The following HORMAD2 variants were observed in gnomAD, a reference collection of about 807,000 sequenced individuals.
The protein encoded by HORMAD2 is HORMA domain containing 2.
HORMAD2 carries 45 observed loss-of-function variants against 38.8 expected under a neutral mutation model. The observed-to-expected ratio is 1.16, with a 90% CI of 0.91 to 1.49. HORMAD2 has a LOEUF of 1.49. Among genes scored for constraint, HORMAD2 ranks in the 40% most tolerant of loss-of-function variants. The probability of loss-of-function intolerance (pLI) is 0.00; values close to 1 mark genes in which losing one functional copy is unlikely to be tolerated. For missense variants in HORMAD2, 338 were observed against 367.0 expected, an observed-to-expected ratio of 0.92 and a Z score of 0.65; for synonymous variants, 126 against 122.8, an observed-to-expected ratio of 1.03 and a Z score of -0.17.
intron 4 of HORMAD2, among the ~76,000 whole-genome samples, 151 bp downstream of exon 4, chr22:30,103,651 T>TTTTC (rs1920986769): frequency 2.3e-5 from 1 of 44,048 alleles, no homozygotes; most frequent in Non-Finnish European, 4.4e-5. Flanking sequence ...TGTTTTTGAT[T>TTTTC]TTTTTTTTTT....
chr22:30,120,686 G>C (rs1922366828), intron 8 of HORMAD2, among the ~76,000 whole-genome samples: 1 of 152,174 alleles, frequency 6.6e-6, no homozygotes, highest in Non-Finnish European at 1.5e-5. Flanking sequence ...CTGTACTGTG[G>C]AGATGAAAGA....
intron 7 of HORMAD2, among the ~76,000 whole-genome samples, chr22:30,118,601 T>G (rs1922217623): frequency 6.6e-6 from 1 of 152,260 alleles, no homozygotes; most frequent in South Asian, 2.1e-4. Flanking sequence ...TTCTGTCTTG[T>G]TCACCGCTGT....
chr22:30,201,003 G>T, the HORMAD2 span, among the ~76,000 whole-genome samples: 2 of 152,088 alleles, frequency 1.3e-5, no homozygotes, highest in Admixed American at 6.5e-5. Flanking sequence ...GCCCACCTCG[G>T]CCTCCCAAAG....
chr22:30,129,480 A>G (rs755098150), intron 10 of HORMAD2, among the ~76,000 whole-genome samples: 1 of 152,082 alleles, frequency 6.6e-6, no homozygotes, highest in Non-Finnish European at 1.5e-5. Flanking sequence ...CTTCCTAGCT[A>G]TTTTATAAGG....
At chr22:30,079,279 C>T (rs900106629), upstream of HORMAD2, among the ~76,000 whole-genome samples, 11 of 152,162 alleles carry the variant, frequency 7.2e-5, no homozygotes, top group South Asian at 8.3e-4. Flanking sequence ...AGGTGAGAAA[C>T]GATCCAAGGA....
chr22:30,101,931 G>C (rs1042603413), intron 3 of HORMAD2, among the ~76,000 whole-genome samples: 1 of 152,124 alleles, frequency 6.6e-6, no homozygotes, highest in African/African-American at 2.4e-5. Flanking sequence ...AGCTGGCCAT[G>C]GTGGTGAGTG....
chr22:30,200,060 G>A, the HORMAD2 span, among the ~76,000 whole-genome samples: 1 of 152,104 alleles, frequency 6.6e-6, no homozygotes, highest in Admixed American at 6.5e-5. Context: ...GGAATTACAG[G>A]AGACTGCTAC....
At chr22:30,145,471 CA>C (rs1924357402) in intron 10 of HORMAD2, among the ~76,000 whole-genome samples, 1 of 151,996 alleles carries the variant, frequency 6.6e-6, no homozygotes, top group Admixed American at 6.6e-5. Flanking sequence ...AGGAAAACAT[CA>C]ATATAATGAA....
At chr22:30,192,736 G>C in the HORMAD2 span, among the ~76,000 whole-genome samples, 1 of 152,166 alleles carries the variant, frequency 6.6e-6, no homozygotes, top group South Asian at 2.1e-4. Context: ...GAACTCAACT[G>C]TGTTGAGTTC....
At chr22:30,178,246 T>C (rs1199938420), downstream of HORMAD2, among the ~76,000 whole-genome samples, 1 of 152,234 alleles carries the variant, frequency 6.6e-6, no homozygotes, top group Non-Finnish European at 1.5e-5. Context: ...ACAGATCCTT[T>C]AAGTCAAAGT....
At chr22:30,177,152 A>C (rs1482121235), downstream of HORMAD2, 3 of 152,388 alleles carry the variant, frequency 2.0e-5, no homozygotes, top group African/African-American at 7.2e-5. Context: ...CCAAATGTAA[A>C]GTGTAGTGAG....
chr22:30,177,616 A>T (rs1274918119), downstream of HORMAD2, among the ~76,000 whole-genome samples: 2 of 150,650 alleles, frequency 1.3e-5, no homozygotes, highest in Non-Finnish European at 3.0e-5. Flanking sequence ...ACATAAAGAG[A>T]TTAGCTGTCT....
chr22:30,201,698 G>C, the HORMAD2 span, among the ~76,000 whole-genome samples: 1 of 152,168 alleles, frequency 6.6e-6, no homozygotes, highest in East Asian at 1.9e-4. Flanking sequence ...TTACAGGCGT[G>C]AGCCACCGTG....
At chr22:30,096,347 T>C (rs1239551552) in intron 2 of HORMAD2, among the ~76,000 whole-genome samples, 2 of 152,238 alleles carry the variant, frequency 1.3e-5, no homozygotes, top group Non-Finnish European at 2.9e-5. Flanking sequence ...CTTTATTATA[T>C]ACTGCCAAGC....
chr22:30,130,445 T>C (rs1000383793), intron 10 of HORMAD2, among the ~76,000 whole-genome samples: 1 of 152,088 alleles, frequency 6.6e-6, no homozygotes. Flanking sequence ...ACTTGAAAAA[T>C]AGAACGTTGG....
chr22:30,195,118 G>A, the HORMAD2 span, among the ~76,000 whole-genome samples: 13 of 150,850 alleles, frequency 8.6e-5, no homozygotes, highest in Non-Finnish European at 1.8e-4. Flanking sequence ...GCTTGAACCC[G>A]GAAGGCAAAG....
At chr22:30,096,712 G>T (rs1024469807) in intron 2 of HORMAD2, among the ~76,000 whole-genome samples, 1 of 151,860 alleles carries the variant, frequency 6.6e-6, no homozygotes, top group African/African-American at 2.4e-5. Context: ...CAAGTGATCC[G>T]CCCACCCCAG....
intron 10 of HORMAD2, among the ~76,000 whole-genome samples, chr22:30,150,506 C>T (rs559361077): frequency 1.3e-5 from 2 of 152,306 alleles, no homozygotes; most frequent in Non-Finnish European, 2.9e-5. Flanking sequence ...CACCCACCTC[C>T]TCTACCTCTC....
Position 30,098,913 on chromosome 22 carries a change from T to G in HORMAD2, c.113T>G (p.Leu38Arg). Reference sequence around the variant, plus strand: ...GAGTCATTGAAAATGGTGAAGAAACTTTTTGCTACTTCCATCTCATGTATA... The same window carrying G: ...GAGTCATTGAAAATGGTGAAGAAACGTTTTGCTACTTCCATCTCATGTATA... ...EHESLKMVKKLFATSISCITY... is the reference protein window; with the variant it reads ...EHESLKMVKKRFATSISCITY... Residue 38 changes from leucine (L) to arginine (R), a missense_variant, in exon 3 of 11, where the codon CTT becomes CGT. Physicochemically the swap from Leu to Arg is moderately radical, Grantham distance 102. Coordinates refer to ENST00000336726, the MANE Select transcript of HORMAD2 (RefSeq NM_152510.4). The G allele has an allele frequency of 4.3e-6, 7 of 1,613,550 alleles. No homozygotes were observed. Among genetic ancestry groups the G allele is most frequent in the Non-Finnish European group, 5.9e-6 (7 of 1,179,572 alleles).
Sources: allele counts gnomAD v4.1 joint callset (sites outside exome capture counted in the v4.1 genomes callset), GRCh38; gene constraint gnomAD v4.1.1; transcripts MANE v1.5; gene names NCBI Gene and HGNC (gene_info 2026-07-23, HGNC 2026-07-21).